The following SCP2 variants were observed in gnomAD, a reference collection of about 807,000 sequenced individuals.
SCP2 encodes the protein SCP-2/3-oxoacyl-CoA thiolase.
A neutral mutation model predicts 71.4 loss-of-function variants in SCP2; 48 were observed. That is an observed-to-expected ratio of 0.67 (90% CI 0.53 to 0.86). The LOEUF is 0.86. Ranked by LOEUF, SCP2 falls within the 40% of genes least tolerant of loss-of-function variation. The pLI is 0.00. For missense variants in SCP2, 560 were observed against 655.6 expected (o/e 0.85, Z 1.59); for synonymous variants, 220 against 218.1 (o/e 1.01, Z -0.08).
chr1:53,021,306 G>T (rs1028147029), intron 12 of SCP2, among the ~76,000 whole-genome samples: 1 of 148,656 alleles, frequency 6.7e-6, no homozygotes, highest in African/African-American at 2.5e-5. Context: ...ACCATGCCTG[G>T]CCGTCAACCA....
chr1:52,943,374 C>A (rs531968932), intron 2 of SCP2, among the ~76,000 whole-genome samples: 39 of 152,174 alleles, frequency 2.6e-4, no homozygotes, highest in African/African-American at 8.7e-4. Flanking sequence ...AGGCACCCCC[C>A]ACCTTGCCCA....
At chr1:52,981,119 A>G (rs1479209530) in intron 10 of SCP2, among the ~76,000 whole-genome samples, 2 of 152,116 alleles carry the variant, frequency 1.3e-5, no homozygotes, top group African/African-American at 4.8e-5. Context: ...TTTAGTAGAG[A>G]CAGGGTTTCA....
intron 11 of SCP2, chr1:52,994,292 A>T: frequency 2.0e-6 from 2 of 997,912 alleles, no homozygotes; most frequent in Non-Finnish European, 2.4e-6. Context: ...CTCCTTTCAG[A>T]CAGCTTCCTT....
At position 52,980,296 on chromosome 1, in the gene SCP2, A is replaced by G. The variant is rs17107491; in HGVS notation, c.826-100A>G. Reference sequence around the variant, plus strand: ...GGCAAAAATTTAATATATGTGGTCAATTATCAGTTGTTAAGGTTATGCATC... The same window carrying G: ...GGCAAAAATTTAATATATGTGGTCAGTTATCAGTTGTTAAGGTTATGCATC... On this transcript the variant is annotated intron_variant, in intron 9 of 15. Coordinates refer to ENST00000371514, the MANE Select transcript of SCP2 (RefSeq NM_002979.5). 6,643 of 1,128,980 alleles carry G rather than the reference A, an allele frequency of 5.9e-3. 296 individuals are homozygous for G. In the African/African-American group the frequency reaches 0.093, roughly 16 times the overall value. 69.9% of individuals were successfully genotyped at this position (1,128,980 alleles called of 1,614,324 possible).
intron 4 of SCP2, among the ~76,000 whole-genome samples, chr1:52,952,653 G>C (rs1655420082): frequency 6.6e-6 from 1 of 152,058 alleles, no homozygotes; most frequent in East Asian, 1.9e-4. Context: ...TGTAATCCTA[G>C]CTTCTTGGGA....
At chr1:53,003,123 A>T (rs929311811) in intron 11 of SCP2, among the ~76,000 whole-genome samples, 13 of 152,222 alleles carry the variant, frequency 8.5e-5, no homozygotes, top group African/African-American at 2.7e-4. Context: ...TATCTGTGCC[A>T]GGACAAATGG....
intron 10 of SCP2, among the ~76,000 whole-genome samples, chr1:52,984,843 C>CT (rs58111718): frequency 1.3e-3 from 138 of 105,936 alleles, no homozygotes; most frequent in Middle Eastern, 0.017. Context: ...AGCTTTTCTT[C>CT]TTTTTTTTTT....
intron 11 of SCP2, among the ~76,000 whole-genome samples, chr1:52,989,552 G>C (rs1035687189): frequency 1.3e-5 from 2 of 152,222 alleles, no homozygotes; most frequent in Non-Finnish European, 2.9e-5. Flanking sequence ...TCAGAACAGA[G>C]TTGGAGCTCT....
rs1378232251 is a variant in SCP2, at chr1:52,950,793, T to C, written c.238T>C (p.Leu80=). 6.2e-7 allele frequency: 1 copy of C among 1,613,890 alleles called. No homozygotes were observed. Among genetic ancestry groups the C allele is most frequent in the Non-Finnish European group, 8.5e-7 (1 of 1,179,784 alleles). ...TGGGCAGAGGGCTATCTATCACAGTTTGGGAATGACTGGAATTCCTATAAT... is the reference window on the plus strand; with the variant it reads ...TGGGCAGAGGGCTATCTATCACAGTCTGGGAATGACTGGAATTCCTATAAT... ...TCGQRAIYHS[L]GMTGIPIINV... is the part of the protein sequence containing the mutation. Residue 80 remains leucine, a synonymous_variant, in exon 4 of 16, where the codon TTG becomes CTG. Coordinates refer to ENST00000371514, the MANE Select transcript of SCP2 (RefSeq NM_002979.5).
intron 13 of SCP2, among the ~76,000 whole-genome samples, chr1:53,029,893 C>CCTT (rs140981186): frequency 8.0e-5 from 12 of 150,896 alleles, no homozygotes; most frequent in East Asian, 2.0e-4. Context: ...TCTTTACCCC[C>CCTT]TGTTTTTTTT....
intron 11 of SCP2, among the ~76,000 whole-genome samples, chr1:53,013,074 A>G (rs1245995809): frequency 6.7e-6 from 1 of 148,884 alleles, no homozygotes; most frequent in Non-Finnish European, 1.5e-5. Flanking sequence ...ATTGTTCACA[A>G]TTCAAAAAGT....
intron 14 of SCP2, among the ~76,000 whole-genome samples, chr1:53,039,725 C>G (rs1227830580): frequency 6.6e-6 from 1 of 152,206 alleles, no homozygotes; most frequent in Non-Finnish European, 1.5e-5. Context: ...TTGGAGTGTT[C>G]CAAGGCTCAG....
intron 11 of SCP2, among the ~76,000 whole-genome samples, chr1:53,012,813 T>C (rs1279406169): frequency 1.3e-5 from 2 of 152,222 alleles, no homozygotes; most frequent in Non-Finnish European, 2.9e-5. Flanking sequence ...TTCTTACCAA[T>C]TTGATTGGTG....
At chr1:52,993,488 T>G (rs942696577) in intron 11 of SCP2, 5 of 1,613,416 alleles carry the variant, frequency 3.1e-6, no homozygotes, top group Non-Finnish European at 4.2e-6. Flanking sequence ...AATCTGTCTT[T>G]GAAACTTATA....
chr1:52,929,427 T>G (rs959971694), intron 1 of SCP2, among the ~76,000 whole-genome samples: 1 of 151,986 alleles, frequency 6.6e-6, no homozygotes, highest in African/African-American at 2.4e-5. Flanking sequence ...CATATATTAC[T>G]GTTATAATTT....
intron 6 of SCP2, among the ~76,000 whole-genome samples, chr1:52,973,471 C>T (rs1437378093): frequency 6.6e-6 from 1 of 152,074 alleles, no homozygotes; most frequent in African/African-American, 2.4e-5. Flanking sequence ...TGCTGCTGTC[C>T]AGATACTATG....
At chr1:53,017,225 A>G (rs1372423949) in intron 12 of SCP2, among the ~76,000 whole-genome samples, 1 of 152,242 alleles carries the variant, frequency 6.6e-6, no homozygotes, top group Non-Finnish European at 1.5e-5. Flanking sequence ...TATAATTTAC[A>G]TACAGTAAAA....
At chr1:52,998,502 A>G (rs1270608883) in intron 11 of SCP2, among the ~76,000 whole-genome samples, 2 of 151,900 alleles carry the variant, frequency 1.3e-5, no homozygotes, top group African/African-American at 4.8e-5. Flanking sequence ...AGGCCGAGGT[A>G]GGGGGATTGC....
At chr1:53,011,399 C>T (rs1241065597) in intron 11 of SCP2, among the ~76,000 whole-genome samples, 2 of 152,180 alleles carry the variant, frequency 1.3e-5, no homozygotes, top group African/African-American at 4.8e-5. Context: ...TAGCACTTTG[C>T]ATTTACATTA....
Sources: allele counts gnomAD v4.1 joint callset (sites outside exome capture counted in the v4.1 genomes callset), GRCh38; gene constraint gnomAD v4.1.1; transcripts MANE v1.5; gene names NCBI Gene and HGNC (gene_info 2026-07-23, HGNC 2026-07-21).